The following SEMA3A variants were observed in gnomAD, a reference collection of about 807,000 sequenced individuals.
SEMA3A encodes the protein semaphorin-3A.
Under a neutral mutation model 97.9 loss-of-function variants are expected in SEMA3A, and 29 were observed. That is an observed-to-expected ratio of 0.30 (90% CI 0.22 to 0.40). SEMA3A has a LOEUF of 0.40. Among genes scored for constraint, SEMA3A ranks in the 10% least tolerant of loss-of-function variants. The probability of loss-of-function intolerance (pLI) is 1.00; values close to 1 mark genes in which losing one functional copy is unlikely to be tolerated. For missense variants in SEMA3A, 763 were observed against 951.3 expected (o/e 0.80, Z 2.60); for synonymous variants, 321 against 323.7 (o/e 0.99, Z 0.09).
intron 3 of SEMA3A, among the ~76,000 whole-genome samples, chr7:84,296,116 A>T (rs1456389787): frequency 6.6e-6 from 1 of 152,076 alleles, no homozygotes; most frequent in African/African-American, 2.4e-5. Context: ...TATATAGAAG[A>T]CCTGTCTTAA....
intron 1 of SEMA3A, among the ~76,000 whole-genome samples, chr7:84,459,491 TA>T (rs1173213490): frequency 6.6e-6 from 1 of 152,176 alleles, no homozygotes; most frequent in Non-Finnish European, 1.5e-5. Flanking sequence ...AGGTAAACAG[TA>T]AATGCTATTA....
intron 3 of SEMA3A, among the ~76,000 whole-genome samples, chr7:84,284,677 T>G (rs1450029929): frequency 2.0e-5 from 3 of 152,206 alleles, no homozygotes; most frequent in Non-Finnish European, 4.4e-5. Flanking sequence ...TTGTGTCTTA[T>G]GAACTGAATG....
At chr7:84,211,413 C>G (rs1310974647) in intron 3 of SEMA3A, among the ~76,000 whole-genome samples, 2 of 151,546 alleles carry the variant, frequency 1.3e-5, no homozygotes, top group Non-Finnish European at 2.9e-5. Flanking sequence ...GAGTTCGAGA[C>G]CAGCCTGGCC....
chr7:84,251,645 A>G (rs1387041578), intron 3 of SEMA3A, among the ~76,000 whole-genome samples: 2 of 152,194 alleles, frequency 1.3e-5, no homozygotes, highest in African/African-American at 4.8e-5. Context: ...CACTCTTTAC[A>G]TAAAACTTAT....
intron 3 of SEMA3A, among the ~76,000 whole-genome samples, chr7:84,228,357 T>C (rs1333155982): frequency 6.6e-6 from 1 of 152,104 alleles, no homozygotes; most frequent in African/African-American, 2.4e-5. Context: ...CATTCATTGA[T>C]TGGGGCTACT....
intron 4 of SEMA3A, among the ~76,000 whole-genome samples, chr7:84,068,941 G>GT (rs1025738631): frequency 3.3e-5 from 5 of 152,058 alleles, no homozygotes; most frequent in African/African-American, 9.7e-5. Context: ...TAAATACTAA[G>GT]TTAGTCACCT....
chr7:83,983,090 T>C (rs931927670), intron 13 of SEMA3A, among the ~76,000 whole-genome samples: 1 of 152,118 alleles, frequency 6.6e-6, no homozygotes, highest in Non-Finnish European at 1.5e-5. Flanking sequence ...TATTATAGTA[T>C]TGAATTTTGC....
chr7:84,273,775 G>T (rs1800215521), intron 3 of SEMA3A, among the ~76,000 whole-genome samples: 1 of 151,956 alleles, frequency 6.6e-6, no homozygotes, highest in African/African-American at 2.4e-5. Context: ...TAGGCTCTTT[G>T]TCCTGCTCTA....
chr7:84,067,322 G>C (rs1391207689), intron 4 of SEMA3A, among the ~76,000 whole-genome samples: 1 of 152,096 alleles, frequency 6.6e-6, no homozygotes, highest in African/African-American at 2.4e-5. Flanking sequence ...AAAAACCCTA[G>C]AAGAAAACCT....
intron 4 of SEMA3A, among the ~76,000 whole-genome samples, chr7:84,062,284 T>A (rs1317757197): frequency 6.6e-6 from 1 of 152,150 alleles, no homozygotes; most frequent in African/African-American, 2.4e-5. Context: ...TTTTCACAAA[T>A]ACGAATTTAT....
At chr7:84,290,155 C>T (rs567674713) in intron 3 of SEMA3A, among the ~76,000 whole-genome samples, 4 of 152,024 alleles carry the variant, frequency 2.6e-5, no homozygotes, top group Admixed American at 6.6e-5. Flanking sequence ...GAAAAAATTC[C>T]GTTATTAGAT....
intron 1 of SEMA3A, among the ~76,000 whole-genome samples, chr7:84,157,818 G>A (rs1038234658): frequency 6.6e-6 from 1 of 152,074 alleles, no homozygotes; most frequent in African/African-American, 2.4e-5. Flanking sequence ...AATGGGCCTC[G>A]TGATTTGACT....
chr7:84,307,677 A>G (rs1008186499), intron 2 of SEMA3A, among the ~76,000 whole-genome samples: 1 of 152,192 alleles, frequency 6.6e-6, no homozygotes, highest in Non-Finnish European at 1.5e-5. Flanking sequence ...ACCACTGGTG[A>G]TGAAAGGCTC....
At chr7:84,314,353 A>G (rs1801442627) in intron 2 of SEMA3A, among the ~76,000 whole-genome samples, 1 of 152,148 alleles carries the variant, frequency 6.6e-6, no homozygotes, top group Admixed American at 6.6e-5. Flanking sequence ...CAATAGGATT[A>G]CACTTGCCAC....
chr7:84,208,389 T>C lies in SEMA3A; in HGVS notation c.-82-13721A>G, dbSNP rs549125372. On this transcript the variant is annotated intron_variant, in intron 3 of 3. Coordinates refer to the SEMA3A transcript ENST00000424555. ...ATGGCGTGAACCCGGGAGGCGGAGC[T>C]TGCAGTGAGCCGAGATCCTGCCACT... Among the ~76,000 whole-genome samples, 636 of 144,476 alleles carry C rather than the reference T, an allele frequency of 4.4e-3. 2 individuals carry two copies. The highest frequency in any genetic ancestry group is 6.4e-3 in the Non-Finnish European group (418 of 65,032). The allele number at this position is 144,476 out of a possible 152,430, so 94.8% of individuals were successfully genotyped here. A position where few individuals can be genotyped will look rare whatever the true frequency, so the allele number is the denominator to read the frequency against.
rs111948791 is a variant in SEMA3A at position 84,312,834 on chromosome 7, G to A, written c.-168-5542C>T. 3.1e-5 allele frequency among the ~76,000 whole-genome samples: 4 copies of A among 129,976 alleles called. 1 individual carries two copies. The highest frequency in any genetic ancestry group is 1.2e-4 in the African/African-American group (4 of 34,128). 85.3% of individuals were successfully genotyped at this position (129,976 alleles called of 152,430 possible). A position where few individuals can be genotyped will look rare whatever the true frequency, so the allele number is the denominator to read the frequency against. ...GTGTTCAGTACTACCAACGTTTCTGGAGTCCCTATTTCTTTCAGAGGATAT... is the reference window on the plus strand; with the variant it reads ...GTGTTCAGTACTACCAACGTTTCTGAAGTCCCTATTTCTTTCAGAGGATAT... On this transcript the variant is annotated intron_variant, in intron 2 of 3. Transcript: ENST00000424555.
chr7:83,959,125 T>A lies in SEMA3A; in HGVS notation c.*2246A>T, dbSNP rs1788374198. The A allele has an allele frequency of 6.6e-6, 1 of 152,024 alleles. No homozygotes were observed. Among genetic ancestry groups the A allele is most frequent in the Non-Finnish European group, 1.5e-5 (1 of 67,908 alleles). The allele number at this position is 152,024 out of a possible 1,614,324, so 9.4% of individuals were successfully genotyped here. ...TGTAACTTTTAATTGAAGTCGAGAC[T>A]TTTTTCTATTGTCATTTCATAACAC... On this transcript the variant is annotated 3_prime_UTR_variant, in exon 17 of 17. Transcript: ENST00000265362.
At chr7:84,118,867 G>T (rs1226838515) in intron 3 of SEMA3A, among the ~76,000 whole-genome samples, 1 of 151,518 alleles carries the variant, frequency 6.6e-6, no homozygotes, top group Non-Finnish European at 1.5e-5. Flanking sequence ...GATTGTATAA[G>T]GTCTAATTCC....
intron 2 of SEMA3A, among the ~76,000 whole-genome samples, chr7:84,342,344 T>G (rs1229432876): frequency 6.6e-6 from 1 of 152,064 alleles, no homozygotes; most frequent in African/African-American, 2.4e-5. Flanking sequence ...ACTATAGAAT[T>G]TTTTTACTTT....
Sources: gnomAD v4.1 joint callset for allele counts (sites outside exome capture counted in the v4.1 genomes callset) on GRCh38, gnomAD v4.1.1 for gene constraint, MANE v1.5 for transcripts, NCBI Gene and HGNC (gene_info 2026-07-23, HGNC 2026-07-21) for gene names.